FHOD3: variants seen among roughly 807,000 people sequenced by gnomAD.
FHOD3 encodes formin homology 2 domain containing 3, also known as FH1/FH2 domain-containing protein 3.
FHOD3 carries 90 observed loss-of-function variants against 173.0 expected under a neutral mutation model. The ratio of observed to expected loss-of-function variants is 0.52; its 90% confidence interval spans 0.44 to 0.62. FHOD3 has a LOEUF of 0.62. Ranked by LOEUF, FHOD3 falls within the 20% of genes least tolerant of loss-of-function variation. FHOD3 has a pLI of 0.00. For synonymous variants in FHOD3, 828 were observed against 823.0 expected (o/e 1.01, Z -0.10); for missense variants, 1,945 against 2,034.7 (o/e 0.96, Z 0.85).
At chr18:36,300,477 C>T (rs1350297511) in intron 1 of FHOD3, among the ~76,000 whole-genome samples, 1 of 152,188 alleles carries the variant, frequency 6.6e-6, no homozygotes, top group East Asian at 1.9e-4. Flanking sequence ...ATCAACTCTG[C>T]TGTGAATTAG....
chr18:36,762,224 C>A (rs2042912853), intron 27 of FHOD3, among the ~76,000 whole-genome samples: 1 of 152,142 alleles, frequency 6.6e-6, no homozygotes, highest in Non-Finnish European at 1.5e-5. Flanking sequence ...TTTGAGTTTT[C>A]TTGAGAAGAA....
chr18:36,671,248 G>GGGAGACT (rs2037515715), intron 14 of FHOD3, among the ~76,000 whole-genome samples: 2 of 152,188 alleles, frequency 1.3e-5, no homozygotes, highest in Admixed American at 1.3e-4. Context: ...CCTCTACTCA[G>GGGAGACT]GGAGACTTCC....
Position 36,760,645 on chromosome 18 carries a change from G to T in FHOD3, c.4487G>T (p.Ser1496Ile), listed in dbSNP as rs201532185. The T allele has an allele frequency of 5.6e-6, 9 of 1,595,008 alleles. No homozygotes were observed. In the African/African-American group the frequency reaches 1.2e-4, roughly 22 times the overall value. Residue 1496 changes from serine to isoleucine, a missense_variant, in exon 27 of 29, where the codon AGC becomes ATC. Ser to Ile is a moderately radical substitution (Grantham distance 142). Around this residue, in one of 5 missense-constraint regions of FHOD3, gnomAD observed 354 missense variants for 359.9 expected, o/e 0.98. Coordinates refer to ENST00000590592, the MANE Select transcript of FHOD3 (RefSeq NM_001281740.3). ...KFSGSSPAPP[S>I]QPQGLSYAED... Reference sequence around the variant, plus strand: ...TCCGGCAGTTCTCCGGCGCCCCCAAGCCAGCCGCAGGGTCTGAGCTATGCG... The same window carrying T: ...TCCGGCAGTTCTCCGGCGCCCCCAATCCAGCCGCAGGGTCTGAGCTATGCG...
At chr18:36,584,230 A>C (rs2058951947) in intron 6 of FHOD3, among the ~76,000 whole-genome samples, 1 of 152,088 alleles carries the variant, frequency 6.6e-6, no homozygotes, top group African/African-American at 2.4e-5. Context: ...GGGTGGATAG[A>C]ACACTCTCCC....
chr18:36,633,222 TTG>T, intron 10 of FHOD3, among the ~76,000 whole-genome samples: 1 of 152,244 alleles, frequency 6.6e-6, no homozygotes, highest in African/African-American at 2.4e-5. Flanking sequence ...GTGCGTGTGC[TTG>T]AGCCCAATCA....
rs531002065 is a variant in FHOD3, at chr18:36,724,543, G to A, written c.3417+5828G>A. 2.0e-5 allele frequency among the ~76,000 whole-genome samples: 3 copies of A among 152,260 alleles called. No individual in the cohort carries two copies. In the East Asian group the frequency reaches 5.8e-4, roughly 29 times the overall value. On this transcript the variant is annotated intron_variant, in intron 19 of 28. Coordinates refer to ENST00000590592, the MANE Select transcript of FHOD3 (RefSeq NM_001281740.3). ...CTGTTTGAAGCCTCACCCTAGAGGGGCTCACCTGCATCTTCCTAGAAGCTG... is the reference window on the plus strand; with the variant it reads ...CTGTTTGAAGCCTCACCCTAGAGGGACTCACCTGCATCTTCCTAGAAGCTG...
intron 7 of FHOD3, among the ~76,000 whole-genome samples, chr18:36,598,647 G>A (rs549057373): frequency 7.2e-4 from 109 of 151,974 alleles, no homozygotes; most frequent in Non-Finnish European, 1.1e-3. Flanking sequence ...CCACCTCTGC[G>A]TTACGCCATT....
intron 10 of FHOD3, among the ~76,000 whole-genome samples, chr18:36,640,851 G>A (rs569044488): frequency 4.6e-5 from 7 of 152,212 alleles, no homozygotes; most frequent in South Asian, 4.2e-4. Context: ...ACCGTGCTTC[G>A]AAGGAACCGT....
intron 5 of FHOD3, among the ~76,000 whole-genome samples, chr18:36,565,412 C>T (rs1303488867): frequency 6.6e-6 from 1 of 152,142 alleles, no homozygotes; most frequent in Non-Finnish European, 1.5e-5. Flanking sequence ...ATTTTCAGAG[C>T]TCCTGTGTTC....
chr18:36,635,474 A>T (rs987918717), intron 10 of FHOD3, among the ~76,000 whole-genome samples: 1 of 152,174 alleles, frequency 6.6e-6, no homozygotes, highest in African/African-American at 2.4e-5. Flanking sequence ...GGCTGCACAA[A>T]GAGATTGGTG....
chr18:36,427,259 T>A (rs1325142747), intron 3 of FHOD3, among the ~76,000 whole-genome samples: 1 of 145,422 alleles, frequency 6.9e-6, no homozygotes, highest in Non-Finnish European at 1.5e-5. Flanking sequence ...GGAATTCATC[T>A]TAAAACTAGA....
At chr18:36,348,042 A>G (rs1251876637) in intron 1 of FHOD3, among the ~76,000 whole-genome samples, 1 of 152,158 alleles carries the variant, frequency 6.6e-6, no homozygotes, top group African/African-American at 2.4e-5. Context: ...TTATGGGGGA[A>G]TCATTAGTCC....
chr18:36,470,531 G>A (rs990868557), intron 3 of FHOD3, among the ~76,000 whole-genome samples: 3 of 152,280 alleles, frequency 2.0e-5, no homozygotes, highest in South Asian at 4.1e-4. Context: ...ACTTTCTCAC[G>A]TCCTTGTGCT....
intron 5 of FHOD3, among the ~76,000 whole-genome samples, chr18:36,540,395 G>A (rs2057162119): frequency 1.3e-5 from 2 of 152,222 alleles, no homozygotes; most frequent in African/African-American, 4.8e-5. Context: ...ACATCCTTGT[G>A]TCTAGAAGGT....
intron 9 of FHOD3, among the ~76,000 whole-genome samples, chr18:36,620,175 C>A: frequency 6.6e-6 from 1 of 152,190 alleles, no homozygotes; most frequent in Non-Finnish European, 1.5e-5. Context: ...ACTCCGAGGC[C>A]TTCGTGCCTC....
chr18:36,477,544 CACCTACCT>C (rs61272960), intron 3 of FHOD3, among the ~76,000 whole-genome samples: 5,102 of 62,630 alleles, frequency 0.081, 114 homozygotes, highest in South Asian at 0.092. Flanking sequence ...CCCACCCACC[CACCTACCT>C]ACCTACCTAC....
chr18:36,752,148 G>A (rs1460503898), intron 24 of FHOD3, among the ~76,000 whole-genome samples: 1 of 152,134 alleles, frequency 6.6e-6, no homozygotes, highest in Non-Finnish European at 1.5e-5. Context: ...ACAAGAACAG[G>A]ATGGGGGATA....
At chr18:36,463,194 G>A (rs921989664) in intron 3 of FHOD3, among the ~76,000 whole-genome samples, 1 of 151,408 alleles carries the variant, frequency 6.6e-6, no homozygotes, top group Admixed American at 6.6e-5. Context: ...AATTAGTTAG[G>A]TGGTTGTCTT....
chr18:36,652,536 T>A, intron 11 of FHOD3, 34 bp from the exon 12 acceptor site: 1 of 1,495,572 alleles, frequency 6.7e-7, no homozygotes, highest in Non-Finnish European at 8.9e-7. Flanking sequence ...AAATCTTTTT[T>A]TCTTCTTCCT....
Sources: gnomAD v4.1 joint callset for allele counts (sites outside exome capture counted in the v4.1 genomes callset) on GRCh38, gnomAD v4.1.1 for gene constraint, gnomAD v4.1.1 regional missense constraint, MANE v1.5 for transcripts, NCBI Gene and HGNC (gene_info 2026-07-23, HGNC 2026-07-21) for gene names.